TAB2: variants seen among roughly 807,000 people sequenced by gnomAD.
The protein encoded by TAB2 is TGF-beta-activated kinase 1 and MAP3K7-binding protein 2.
TAB2 carries 3 observed loss-of-function variants against 65.0 expected under a neutral mutation model. The observed-to-expected ratio is 0.05, with a 90% CI of 0.02 to 0.12. TAB2 has a LOEUF of 0.12. Ranked by LOEUF, TAB2 falls within the 10% of genes least tolerant of loss-of-function variation. The pLI, the probability that TAB2 is intolerant of heterozygous loss-of-function variation, is 1.00. For missense variants in TAB2, 623 were observed against 840.3 expected (o/e 0.74, Z 3.20); for synonymous variants, 298 against 285.1 (o/e 1.05, Z -0.46).
At chr6:149,404,760 A>G (rs1782606522) in intron 6 of TAB2, among the ~76,000 whole-genome samples, 1 of 152,214 alleles carries the variant, frequency 6.6e-6, no homozygotes, top group Non-Finnish European at 1.5e-5. Flanking sequence ...ATACAAAAAT[A>G]AACTCAAAAT....
chr6:149,299,251 C>CAT (rs1248290641), intron 1 of TAB2, among the ~76,000 whole-genome samples: 12 of 152,122 alleles, frequency 7.9e-5, no homozygotes, highest in African/African-American at 2.7e-4. Context: ...TGTCTATTGG[C>CAT]CACTGGTCTT....
intron 1 of TAB2, among the ~76,000 whole-genome samples, chr6:149,323,044 C>T (rs1327876930): frequency 6.6e-6 from 1 of 152,028 alleles, no homozygotes; most frequent in Non-Finnish European, 1.5e-5. Context: ...CAGTGGTTGG[C>T]CTGTAGTTAA....
intron 1 of TAB2, among the ~76,000 whole-genome samples, chr6:149,277,884 A>G (rs1778505588): frequency 6.6e-6 from 1 of 152,208 alleles, no homozygotes; most frequent in Non-Finnish European, 1.5e-5. Context: ...TTTAACTTGC[A>G]AATAGTCTGG....
In TAB2 at chr6:149,275,223, G is replaced by C. The variant is rs1202184867; in HGVS notation, c.-121+56447G>C. ...CTTGAACTCCCTTGGGCGGGGGAGG[G>C]GGGAGAGAGAGAGAAAGAAAGAAAG... On this transcript the variant is annotated intron_variant, in intron 1 of 1. Coordinates refer to the TAB2 transcript ENST00000606202. Among the ~76,000 whole-genome samples the C allele has an allele frequency of 5.6e-5, 5 of 89,716 alleles. No individual in the cohort carries two copies. The East Asian group carries it at 1.9e-3, about 33-fold the overall frequency. The allele number at this position is 89,716 out of a possible 152,430, so 58.9% of individuals were successfully genotyped here.
At chr6:149,258,225 G>C (rs1396521260) in intron 1 of TAB2, among the ~76,000 whole-genome samples, 1 of 152,148 alleles carries the variant, frequency 6.6e-6, no homozygotes, top group Non-Finnish European at 1.5e-5. Flanking sequence ...GCCCATTAGT[G>C]TTTAACAATG....
At position 149,378,319 on chromosome 6, in the gene TAB2, A is replaced by G. The variant is rs1487858409; in HGVS notation, c.404A>G (p.Gln135Arg). ...EPQTAPAQVPQGFNVFGMSSS... is the reference protein window; with the variant it reads ...EPQTAPAQVPRGFNVFGMSSS... ...CAGACAGCACCAGCTCAAGTTCCTC[A>G]AGGCTTTAATGTTTTTGGAATGTCC... Residue 135 changes from glutamine to arginine, a missense_variant, in exon 3 of 7, where the codon CAA becomes CGA. Gln to Arg is a conservative substitution (Grantham distance 43). Coordinates refer to ENST00000637181, the MANE Select transcript of TAB2 (RefSeq NM_001292034.3). 4 of 1,614,206 alleles carry G rather than the reference A, an allele frequency of 2.5e-6. No homozygotes were observed. The highest frequency in any genetic ancestry group is 1.3e-5 in the African/African-American group (1 of 75,050).
chr6:149,359,293 A>G (rs980913715), intron 1 of TAB2, among the ~76,000 whole-genome samples: 1 of 152,234 alleles, frequency 6.6e-6, no homozygotes, highest in African/African-American at 2.4e-5. Flanking sequence ...TGTTTCTGCC[A>G]GGAATCCTAT....
At chr6:149,220,204 T>C (rs1260339211) in intron 1 of TAB2, among the ~76,000 whole-genome samples, 1 of 152,210 alleles carries the variant, frequency 6.6e-6, no homozygotes, top group Admixed American at 6.5e-5. Flanking sequence ...AAAATTCAGC[T>C]CTATACAGAT....
intron 1 of TAB2, among the ~76,000 whole-genome samples, chr6:149,357,430 A>AAAAAAACACACACAC: frequency 0.033 from 3,672 of 110,738 alleles, 111 homozygotes; most frequent in Non-Finnish European, 0.047. Flanking sequence ...AGAAAAAAAA[A>AAAAAAACACACACAC]ACACACACAC....
chr6:149,238,518 A>C (rs1231336167), intron 1 of TAB2, among the ~76,000 whole-genome samples: 4 of 152,184 alleles, frequency 2.6e-5, no homozygotes, highest in African/African-American at 7.2e-5. Flanking sequence ...CCAGTGGCTC[A>C]GTGCTGAACA....
intron 3 of TAB2, among the ~76,000 whole-genome samples, chr6:149,382,898 A>T (rs1019641540): frequency 2.0e-5 from 3 of 152,224 alleles, no homozygotes; most frequent in African/African-American, 2.4e-5. Context: ...TCATGCCTGA[A>T]ATCCCAGCAC....
chr6:149,334,588 G>T (rs1779878291), intron 1 of TAB2, among the ~76,000 whole-genome samples: 1 of 151,844 alleles, frequency 6.6e-6, no homozygotes, highest in Admixed American at 6.6e-5. Context: ...GAGTTGAGAG[G>T]ATCACTTGAG....
At chr6:149,340,888 A>T (rs1780100456) in intron 1 of TAB2, among the ~76,000 whole-genome samples, 1 of 152,132 alleles carries the variant, frequency 6.6e-6, no homozygotes, top group Non-Finnish European at 1.5e-5. Flanking sequence ...GTGGCTTGTG[A>T]TACTTGCTCT....
chr6:149,239,644 C>G (rs1777561059), intron 1 of TAB2, among the ~76,000 whole-genome samples: 1 of 152,194 alleles, frequency 6.6e-6, no homozygotes, highest in African/African-American at 2.4e-5. Context: ...TTATTTTGTT[C>G]TCTTGTTATT....
chr6:149,289,777 G>T (rs1264839865), intron 1 of TAB2, among the ~76,000 whole-genome samples: 3 of 152,224 alleles, frequency 2.0e-5, no homozygotes, highest in African/African-American at 7.2e-5. Flanking sequence ...GCCTAAGTTG[G>T]TCGGGCTACA....
At chr6:149,261,597 C>G (rs1394539896) in intron 1 of TAB2, among the ~76,000 whole-genome samples, 3 of 152,122 alleles carry the variant, frequency 2.0e-5, no homozygotes, top group Non-Finnish European at 4.4e-5. Flanking sequence ...AAAGTGATGA[C>G]AAAATCCCAC....
chr6:149,318,066 C>T (rs1397266800), intron 1 of TAB2, 51 bp downstream of exon 1: 1 of 156,718 alleles, frequency 6.4e-6, no homozygotes. Context: ...CCTGGCTCTC[C>T]CCTCATCGCC....
At chr6:149,268,281 A>C (rs994300055) in intron 1 of TAB2, among the ~76,000 whole-genome samples, 2 of 152,220 alleles carry the variant, frequency 1.3e-5, no homozygotes, top group Admixed American at 6.5e-5. Context: ...CACCCCAGCC[A>C]TCCCATTAGC....
intron 1 of TAB2, chr6:149,347,253 A>T (rs1465399646): frequency 6.6e-6 from 1 of 152,234 alleles, no homozygotes; most frequent in Non-Finnish European, 1.5e-5. Context: ...AAGAACTTAT[A>T]ACTGGTAAGC....
Sources: gnomAD v4.1 joint callset for allele counts (sites outside exome capture counted in the v4.1 genomes callset) on GRCh38, gnomAD v4.1.1 for gene constraint, MANE v1.5 for transcripts, NCBI Gene and HGNC (gene_info 2026-07-23, HGNC 2026-07-21) for gene names.